SPAG5: variants seen among roughly 807,000 people sequenced by gnomAD.
SPAG5 encodes sperm associated antigen 5, also known as sperm-associated antigen 5.
A neutral mutation model predicts 145.4 loss-of-function variants in SPAG5; 99 were observed. That is an observed-to-expected ratio of 0.68 (90% CI 0.58 to 0.80). SPAG5 has a LOEUF of 0.80. Ranked by LOEUF, SPAG5 falls within the 30% of genes least tolerant of loss-of-function variation. SPAG5 has a pLI of 0.00. For missense variants in SPAG5, 1,192 were observed against 1,416.0 expected (o/e 0.84, Z 2.54); for synonymous variants, 477 against 525.4 (o/e 0.91, Z 1.26).
chr17:28,583,126 C>A (rs1487723741), intron 15 of SPAG5, among the ~76,000 whole-genome samples: 1 of 152,186 alleles, frequency 6.6e-6, no homozygotes, highest in Admixed American at 6.5e-5. Context: ...TACAGGTTCA[C>A]AACACTACAC....
intron 4 of SPAG5, among the ~76,000 whole-genome samples, chr17:28,587,359 C>T (rs1259177507): frequency 1.3e-5 from 2 of 151,888 alleles, no homozygotes; most frequent in East Asian, 3.9e-4. Context: ...CCAGCCTGAC[C>T]AACATGGAGA....
intron 16 of SPAG5, 75 bp downstream of exon 16, chr17:28,579,934 T>C (rs2070539522): frequency 1.3e-6 from 2 of 1,519,578 alleles, no homozygotes; most frequent in Admixed American, 1.7e-5. Context: ...AGCCCGCTGG[T>C]GGACATCTTC....
chr17:28,590,887 A>C (rs910906469), intron 4 of SPAG5, among the ~76,000 whole-genome samples: 2 of 150,990 alleles, frequency 1.3e-5, no homozygotes, highest in Non-Finnish European at 3.0e-5. Context: ...AAAAAAAAAA[A>C]AAAAAACTAA....
Position 28,579,489 on chromosome 17 carries a change from A to G in SPAG5, c.2885-4T>C, listed in dbSNP as rs374444736. 6.8e-5 allele frequency: 109 copies of G among 1,613,370 alleles called. No homozygotes were observed. The African/African-American group carries it at 1.3e-3, about 20-fold the overall frequency. On this transcript the variant is annotated splice_polypyrimidine_tract_variant and splice_region_variant and intron_variant, in intron 17 of 23. Transcript: ENST00000321765. ...CTCTCCTCCATGCCTGGGGTCTCTG[A>G]AAGAGAAAGTCCCAGATAGAGGTCT...
At chr17:28,591,586 G>T in intron 4 of SPAG5, 112 bp downstream of exon 4, 2 of 1,024,930 alleles carry the variant, frequency 2.0e-6, no homozygotes, top group Non-Finnish European at 2.8e-6. Context: ...TTTTGCAAAT[G>T]TTCTAAGTAT....
Position 28,584,381 on chromosome 17 carries a change from T to C in SPAG5, c.2261A>G (p.Asp754Gly). Residue 754 changes from aspartate to glycine, a missense_variant, in exon 12 of 24, where the codon GAT becomes GGT. Around this residue, in one of 5 missense-constraint regions of SPAG5, gnomAD observed 709 missense variants for 840.7 expected, o/e 0.84. Transcript: ENST00000321765. ...THCAQDLAMK[D>G]ELLCQLTQSN... ...CTGGGTAAGCTGGCAGAGTAACTCA[T>C]CCTTCATAGCCAGGTCCTGGGCACA... 6.2e-7 allele frequency: 1 copy of C among 1,614,184 alleles called. No homozygotes were observed. The highest frequency in any genetic ancestry group is 1.3e-5 in the African/African-American group (1 of 75,054).
At chr17:28,598,835 G>A in intron 1 of SPAG5, 61 bp downstream of exon 1, 1 of 1,588,244 alleles carries the variant, frequency 6.3e-7, no homozygotes, top group Non-Finnish European at 8.6e-7. Flanking sequence ...CAGTAGACAC[G>A]GCCGGTGCCC....
At chr17:28,585,274 C>T (rs755654738) in intron 9 of SPAG5, 45 bp downstream of exon 9, 1 of 1,611,690 alleles carries the variant, frequency 6.2e-7, no homozygotes, top group South Asian at 1.1e-5. Context: ...CACAACAGGA[C>T]TTGATGTGAG....
chr17:28,585,621 G>T lies in SPAG5; in HGVS notation c.1773C>A (p.His591Gln), dbSNP rs575160998. The change falls in exon 8 of 24, where the codon CAC (histidine) becomes CAA (glutamine). Residue 591 changes from histidine to glutamine, a missense_variant. This residue lies in a region of SPAG5 where 709 missense variants were observed against 840.7 expected (regional missense o/e 0.84). Coordinates refer to ENST00000321765, the MANE Select transcript of SPAG5 (RefSeq NM_006461.4). Reference sequence around the variant, plus strand: ...CCAGCTGGCTGATGCGCTGGCTGGCGTGTGCACAGAAAGCCTCCAACACTA... The same window carrying T: ...CCAGCTGGCTGATGCGCTGGCTGGCTTGTGCACAGAAAGCCTCCAACACTA... ...AEIVLEAFCA[H>Q]ASQRISQLEQ... is the part of the protein sequence containing the mutation. 2.3e-5 allele frequency: 37 copies of T among 1,614,058 alleles called. No individual in the cohort carries two copies. The highest frequency in any genetic ancestry group is 3.1e-5 in the Non-Finnish European group (37 of 1,180,048).
chr17:28,580,161 G>C, intron 15 of SPAG5, 41 bp from the exon 16 acceptor site: 3 of 1,397,316 alleles, frequency 2.1e-6, no homozygotes, highest in Non-Finnish European at 3.0e-6. Context: ...TTCAGGTCTA[G>C]TGAACTCCTG....
chr17:28,578,821 GGA>G (rs1157913031), intron 19 of SPAG5, 69 bp from the exon 20 acceptor site: 73 of 1,281,530 alleles, frequency 5.7e-5, no homozygotes, highest in Non-Finnish European at 8.2e-5. Context: ...CCAGGAGGTA[GGA>G]GAGAGTGCCT....
chr17:28,599,002 C>T lies in SPAG5; in HGVS notation c.-56G>A. ...CAGACCAAGTCGAGGACGCCATGTT[C>T]ACCCGCCGTCTGTGTTTGAACCTGC... On this transcript the variant is annotated 5_prime_UTR_variant, in exon 1 of 24. Transcript: ENST00000321765. 3.9e-6 allele frequency: 6 copies of T among 1,557,294 alleles called. No individual in the cohort carries two copies. The highest frequency in any genetic ancestry group is 1.7e-5 in the Admixed American group (1 of 59,964).
At position 28,585,130 on chromosome 17, in the gene SPAG5, C is replaced by T. The variant is rs1171612198; in HGVS notation, c.2039G>A (p.Arg680His). The change falls in exon 10 of 24, where the codon CGT becomes CAT. Residue 680 changes from arginine (R) to histidine (H), a missense_variant. By Grantham distance (29) the Arg-to-His change is conservative (BLOSUM62 0). Coordinates refer to ENST00000321765, the MANE Select transcript of SPAG5 (RefSeq NM_006461.4). ...CTGCTTTTCCTCAATTGCCACATCA[C>T]GTTCCTGCAGGGCTTGCTGGCTCTT... ...TVKSQQALQE[R>H]DVAIEEKQEV... 3 of 1,614,228 alleles carry T rather than the reference C, an allele frequency of 1.9e-6. No homozygotes were observed. Among genetic ancestry groups the T allele is most frequent in the Non-Finnish European group, 2.5e-6 (3 of 1,180,036 alleles).
At chr17:28,585,465 G>A (rs1303570148) in intron 8 of SPAG5, 54 bp from the exon 9 acceptor site, 7 of 1,612,904 alleles carry the variant, frequency 4.3e-6, no homozygotes, top group Non-Finnish European at 5.9e-6. Flanking sequence ...ATACAGCAAA[G>A]TGGGAGTATG....
At position 28,592,124 on chromosome 17, in the gene SPAG5, T is replaced by C. The variant is rs761868209; in HGVS notation, c.1120A>G (p.Ile374Val). ...SLPSMLRDAA[I>V]GTTPFSTCSV... ...CAAGTAGAGAAAGGGGTAGTGCCAA[T>C]TGCAGCATCCCGAAGCATCGAGGGA... Residue 374 changes from isoleucine (I) to valine (V), a missense_variant, in exon 3 of 24, where the codon ATT becomes GTT. By Grantham distance (29) the Ile-to-Val change is conservative (BLOSUM62 3). Around this residue, in one of 5 missense-constraint regions of SPAG5, gnomAD observed 125 missense variants for 143.8 expected, o/e 0.87. Coordinates refer to ENST00000321765, the MANE Select transcript of SPAG5 (RefSeq NM_006461.4). 6.8e-6 allele frequency: 11 copies of C among 1,614,064 alleles called. No homozygotes were observed. The highest frequency in any genetic ancestry group is 5.5e-5 in the South Asian group (5 of 91,064).
rs1567626993 is a variant in SPAG5 at position 28,593,750 on chromosome 17, A to G, written c.178-684T>C. On this transcript the variant is annotated intron_variant, in intron 2 of 23. Coordinates refer to ENST00000321765, the MANE Select transcript of SPAG5 (RefSeq NM_006461.4). ...AAAAAAAATAAATAAATAAATAAAA[A>G]AGGTAGACCCTAACAAAACAGAGCT... Among the ~76,000 whole-genome samples the G allele has an allele frequency of 2.6e-5, 4 of 152,042 alleles. No homozygotes were observed. The South Asian group carries it at 8.3e-4, about 32-fold the overall frequency.
chr17:28,585,079 C>T (rs745579006), intron 10 of SPAG5, 23 bp downstream of exon 10: 25 of 1,578,294 alleles, frequency 1.6e-5, no homozygotes, highest in East Asian at 1.1e-4. Flanking sequence ...CAAGCCTAAG[C>T]AGTCCCCACT....
At chr17:28,596,732 C>T (rs544714153) in intron 2 of SPAG5, among the ~76,000 whole-genome samples, 46 of 152,178 alleles carry the variant, frequency 3.0e-4, no homozygotes, top group African/African-American at 1.1e-3. Context: ...TAATTTCCAC[C>T]TAGTACTTAT....
At chr17:28,597,094 A>C (rs1316547771) in intron 2 of SPAG5, among the ~76,000 whole-genome samples, 1 of 151,432 alleles carries the variant, frequency 6.6e-6, no homozygotes, top group Non-Finnish European at 1.5e-5. Context: ...TCTCAAAAAA[A>C]AATTAATTAA....
Sources: gnomAD v4.1 joint callset for allele counts (sites outside exome capture counted in the v4.1 genomes callset) on GRCh38, gnomAD v4.1.1 for gene constraint, gnomAD v4.1.1 regional missense constraint, MANE v1.5 for transcripts, NCBI Gene and HGNC (gene_info 2026-07-23, HGNC 2026-07-21) for gene names.